GABRA3: variants seen among roughly 807,000 people sequenced by gnomAD.
GABRA3 encodes the protein gamma-aminobutyric acid receptor subunit alpha-3.
GABRA3 carries 10 observed loss-of-function variants against 30.1 expected under a neutral mutation model. That is an observed-to-expected ratio of 0.33 (90% CI 0.20 to 0.56). The LOEUF is 0.56. Among genes scored for constraint, GABRA3 ranks in the 20% least tolerant of loss-of-function variants. The pLI, the probability that GABRA3 is intolerant of heterozygous loss-of-function variation, is 0.89. For synonymous variants in GABRA3, 151 were observed against 146.8 expected, an observed-to-expected ratio of 1.03 and a Z score of -0.21; for missense variants, 233 against 392.0, an observed-to-expected ratio of 0.59 and a Z score of 3.42.
At chrX:152,381,022 A>C (rs1929130088) in intron 1 of GABRA3, among the ~76,000 whole-genome samples, 1 of 111,215 alleles carries the variant, frequency 9.0e-6, no homozygotes, top group Non-Finnish European at 1.9e-5. Flanking sequence ...ATTCGTTCCT[A>C]GGAGAGTGAA....
intron 1 of GABRA3, among the ~76,000 whole-genome samples, chrX:152,408,473 C>T (rs1339162665): frequency 1.8e-5 from 2 of 110,857 alleles, no homozygotes; most frequent in East Asian, 5.6e-4. Flanking sequence ...TTCCCATTTA[C>T]AATAGCTACA....
At chrX:152,400,764 G>C (rs1929773462) in intron 1 of GABRA3, among the ~76,000 whole-genome samples, 1 of 111,568 alleles carries the variant, frequency 9.0e-6, no homozygotes, top group Non-Finnish European at 1.9e-5. Flanking sequence ...GGCAGAGTAA[G>C]AGATCAGAGA....
At chrX:152,444,270 G>T (rs1005372109) in intron 1 of GABRA3, among the ~76,000 whole-genome samples, 1 of 111,490 alleles carries the variant, frequency 9.0e-6, no homozygotes, top group African/African-American at 3.3e-5. Flanking sequence ...GAAGATAGAA[G>T]TGTCTACTGT....
chrX:152,187,985 C>A (rs1471003129), intron 9 of GABRA3, among the ~76,000 whole-genome samples: 2 of 111,605 alleles, frequency 1.8e-5, no homozygotes. Context: ...ACACAATAGA[C>A]AATGATTTTA....
rs928981116 is a variant in GABRA3 at position 152,293,082 on chromosome X, C to T, written c.263-8347G>A. On this transcript the variant is annotated intron_variant, in intron 3 of 9. Coordinates refer to ENST00000370314, the MANE Select transcript of GABRA3 (RefSeq NM_000808.4). ...TCTATTAGATCTGCTTGGTGCAGAG[C>T]TGAGTTCAAGTCCTGGGTATCCTTT... 3.1e-4 allele frequency among the ~76,000 whole-genome samples: 35 copies of T among 111,208 alleles called. No homozygotes were observed. The Admixed American group carries it at 3.3e-3, about 10-fold the overall frequency.
At chrX:152,434,362 G>A (rs1055680018) in intron 1 of GABRA3, among the ~76,000 whole-genome samples, 7 of 111,030 alleles carry the variant, frequency 6.3e-5, no homozygotes, top group African/African-American at 1.6e-4. Context: ...TTTGAGACTC[G>A]GACTGACTCT....
chrX:152,232,740 T>G (rs1272969707), intron 5 of GABRA3, among the ~76,000 whole-genome samples: 1 of 108,939 alleles, frequency 9.2e-6, no homozygotes, highest in Non-Finnish European at 1.9e-5. Context: ...CTTAGGATGG[T>G]TCCATATATT....
intron 3 of GABRA3, among the ~76,000 whole-genome samples, chrX:152,299,434 G>T (rs966698975): frequency 1.8e-5 from 2 of 110,521 alleles, no homozygotes; most frequent in Non-Finnish European, 3.8e-5. Context: ...TGGGATAAGC[G>T]GGGAAGCAGG....
intron 3 of GABRA3, among the ~76,000 whole-genome samples, chrX:152,299,024 T>C (rs1244282668): frequency 8.9e-6 from 1 of 111,991 alleles, no homozygotes; most frequent in Non-Finnish European, 1.9e-5. Flanking sequence ...GTAGCTACAC[T>C]GTCGTTCCTA....
chrX:152,213,443 G>A (rs1318697259), intron 6 of GABRA3, among the ~76,000 whole-genome samples: 4 of 111,626 alleles, frequency 3.6e-5, no homozygotes, highest in Non-Finnish European at 7.5e-5. Flanking sequence ...ACAGGGTGAG[G>A]AGGGGTGTCA....
chrX:152,169,600 A>G (rs535199442), intron 9 of GABRA3, among the ~76,000 whole-genome samples: 6 of 111,988 alleles, frequency 5.4e-5, no homozygotes, highest in African/African-American at 1.9e-4. Flanking sequence ...GAGGCCAGGG[A>G]AGGAGGCCAA....
intron 4 of GABRA3, among the ~76,000 whole-genome samples, chrX:152,279,138 G>C (rs970702885): frequency 9.0e-6 from 1 of 111,558 alleles, no homozygotes; most frequent in Non-Finnish European, 1.9e-5. Context: ...GTCAATTTTG[G>C]CTTTTGTTGC....
intron 9 of GABRA3, among the ~76,000 whole-genome samples, chrX:152,174,848 A>G (rs1937052198): frequency 8.9e-6 from 1 of 111,876 alleles, no homozygotes; most frequent in Non-Finnish European, 1.9e-5. Flanking sequence ...TTGGTGTTTT[A>G]GACATGAAGT....
At chrX:152,429,378 C>T (rs781117572) in intron 1 of GABRA3, among the ~76,000 whole-genome samples, 1 of 110,457 alleles carries the variant, frequency 9.1e-6, no homozygotes, top group Admixed American at 9.7e-5. Context: ...CAGCATTAAC[C>T]TATTCTTCAC....
chrX:152,386,553 C>T (rs373852019), intron 1 of GABRA3, among the ~76,000 whole-genome samples: 3,021 of 109,199 alleles, frequency 0.028, 41 homozygotes, highest in South Asian at 0.063. Context: ...AAAATGCTCA[C>T]CATCACTGGC....
chrX:152,368,996 C>T (rs768701090), intron 1 of GABRA3, among the ~76,000 whole-genome samples: 6 of 111,545 alleles, frequency 5.4e-5, no homozygotes, highest in Non-Finnish European at 9.4e-5. Context: ...TAAGCCACCG[C>T]GCTAGGCCCT....
At chrX:152,428,774 T>C (rs1930575131) in intron 1 of GABRA3, among the ~76,000 whole-genome samples, 1 of 111,801 alleles carries the variant, frequency 8.9e-6, no homozygotes, top group South Asian at 3.7e-4. Context: ...GAATGCCACT[T>C]GTACAATGAG....
intron 9 of GABRA3, among the ~76,000 whole-genome samples, chrX:152,182,644 CTATATATACATATATAGTG>C (rs1465623149): frequency 3.3e-4 from 17 of 50,861 alleles, no homozygotes; most frequent in African/African-American, 1.3e-3. Flanking sequence ...TATATATACA[CTATATATACATATATAGTG>C]TATATATACA....
At chrX:152,438,307 C>T (rs748700013) in intron 1 of GABRA3, among the ~76,000 whole-genome samples, 2 of 111,964 alleles carry the variant, frequency 1.8e-5, no homozygotes. Context: ...GTAGACAACA[C>T]CAAATGCTAG....
Sources: allele counts gnomAD v4.1 joint callset (sites outside exome capture counted in the v4.1 genomes callset), GRCh38; gene constraint gnomAD v4.1.1; transcripts MANE v1.5; gene names NCBI Gene and HGNC (gene_info 2026-07-23, HGNC 2026-07-21).